Variants in PRKN observed in about 807,000 individuals in gnomAD.
PRKN encodes parkin RBR E3 ubiquitin protein ligase.
PRKN carries 56 observed loss-of-function variants against 59.5 expected under a neutral mutation model. That is an observed-to-expected ratio of 0.94 (90% confidence interval 0.76 to 1.18). The LOEUF is 1.18. Ranked by LOEUF, PRKN falls within the 50% of genes most tolerant of loss-of-function variation. The pLI is 0.00. For synonymous variants in PRKN, 250 were observed against 222.1 expected (o/e 1.13, Z -1.12); for missense variants, 657 against 596.4 (o/e 1.10, Z -1.06).
In PRKN at chr6:162,335,699, T is replaced by C. The variant is rs1783812207; in HGVS notation, c.172-72934A>G. ...ATAATTACATCAAACTGCTCTTATT[T>C]CTCCTATTTTATCGCTCACCAGTGA... On this transcript the variant is annotated intron_variant, in intron 2 of 11. Transcript: ENST00000366898. Among the ~76,000 whole-genome samples the C allele has an allele frequency of 2.6e-5, 4 of 152,088 alleles. No individual in the cohort carries two copies. The South Asian group carries it at 8.3e-4, about 32-fold the overall frequency.
At chr6:161,686,572 C>T (rs868118410) in intron 7 of PRKN, among the ~76,000 whole-genome samples, 7 of 152,152 alleles carry the variant, frequency 4.6e-5, no homozygotes, top group Non-Finnish European at 8.8e-5. Flanking sequence ...CCATGATCTA[C>T]GGAATAAATT....
At chr6:162,092,183 G>T (rs1017259870) in intron 4 of PRKN, among the ~76,000 whole-genome samples, 2 of 151,868 alleles carry the variant, frequency 1.3e-5, no homozygotes, top group Non-Finnish European at 2.9e-5. Context: ...GCGAAACCCC[G>T]GCTCTACTAA....
intron 9 of PRKN, among the ~76,000 whole-genome samples, chr6:161,528,174 T>C (rs1016756278): frequency 6.6e-6 from 1 of 152,244 alleles, no homozygotes; most frequent in Admixed American, 6.5e-5. Context: ...CTTAGCCATG[T>C]CATATTGAGA....
At chr6:162,290,467 A>AT (rs1189603961) in intron 2 of PRKN, among the ~76,000 whole-genome samples, 2 of 152,150 alleles carry the variant, frequency 1.3e-5, no homozygotes, top group Non-Finnish European at 2.9e-5. Flanking sequence ...AAACATCATA[A>AT]TTTATTCCTT....
chr6:161,767,079 G>C (rs1214204256), intron 7 of PRKN, among the ~76,000 whole-genome samples: 1 of 152,188 alleles, frequency 6.6e-6, no homozygotes, highest in Non-Finnish European at 1.5e-5. Context: ...AGTTGGGGTA[G>C]AGTCAGGATT....
intron 8 of PRKN, among the ~76,000 whole-genome samples, chr6:161,563,617 A>G (rs1461456202): frequency 6.6e-6 from 1 of 152,220 alleles, no homozygotes; most frequent in Non-Finnish European, 1.5e-5. Context: ...ATATAAATGT[A>G]TTATTTTAAG....
intron 1 of PRKN, among the ~76,000 whole-genome samples, chr6:162,559,286 C>T (rs1422969357): frequency 1.3e-5 from 2 of 151,818 alleles, no homozygotes; most frequent in African/African-American, 4.8e-5. Context: ...ACACAGACTG[C>T]GACAGGCCAC....
At chr6:162,296,180 G>A (rs2128111144) in intron 2 of PRKN, among the ~76,000 whole-genome samples, 1 of 151,962 alleles carries the variant, frequency 6.6e-6, no homozygotes, top group African/African-American at 2.4e-5. Flanking sequence ...AGCTGTCAAG[G>A]CCCACAGTCG....
Position 162,663,118 on chromosome 6 carries a change from G to A in PRKN, c.7+64544C>T, listed in dbSNP as rs577991086. On this transcript the variant is annotated intron_variant, in intron 1 of 11. Coordinates refer to ENST00000366898, the MANE Select transcript of PRKN (RefSeq NM_004562.3). Reference sequence around the variant, plus strand: ...CCCATTGCCTGTGCACAACCCACCAGCCGATGGTCCTACATTCCTTATCAG... The same window carrying A: ...CCCATTGCCTGTGCACAACCCACCAACCGATGGTCCTACATTCCTTATCAG... 3.3e-5 allele frequency among the ~76,000 whole-genome samples: 5 copies of A among 152,282 alleles called. No homozygotes were observed. In the South Asian group the frequency reaches 1.0e-3, roughly 32 times the overall value.
At chr6:162,281,563 A>G (rs1780912603) in intron 2 of PRKN, among the ~76,000 whole-genome samples, 1 of 152,178 alleles carries the variant, frequency 6.6e-6, no homozygotes, top group South Asian at 2.1e-4. Context: ...CTAAGAAAGG[A>G]GGGAAAAATG....
chr6:162,488,768 C>T (rs1792671053), intron 1 of PRKN, among the ~76,000 whole-genome samples: 1 of 152,188 alleles, frequency 6.6e-6, no homozygotes, highest in Non-Finnish European at 1.5e-5. Flanking sequence ...ACAAATAGTG[C>T]TGGTGATTGA....
At chr6:161,938,825 C>G (rs1779448418) in intron 6 of PRKN, among the ~76,000 whole-genome samples, 1 of 152,108 alleles carries the variant, frequency 6.6e-6, no homozygotes, top group Non-Finnish European at 1.5e-5. Context: ...CTTTCCTCCT[C>G]AACAAAAACC....
chr6:161,499,846 T>G lies in PRKN; in HGVS notation c.1083+49008A>C, dbSNP rs763648801. On this transcript the variant is annotated intron_variant, in intron 9 of 11. Coordinates refer to ENST00000366898, the MANE Select transcript of PRKN (RefSeq NM_004562.3). The surrounding 1 kb of genome is among the most constrained non-coding windows in gnomAD (Gnocchi z 4.2). ...GACCCTTCAGAAGGTAGAATTTGGA[T>G]GCCAAAATGCTATGATTTCTGAAAT... is the stretch of plus-strand genomic sequence containing the variant. Among the ~76,000 whole-genome samples, 1 of 152,222 alleles carries G rather than the reference T, an allele frequency of 6.6e-6. No individual in the cohort carries two copies. Among genetic ancestry groups the G allele is most frequent in the Non-Finnish European group, 1.5e-5 (1 of 68,040 alleles).
At chr6:161,514,534 C>T (rs780416558) in intron 9 of PRKN, among the ~76,000 whole-genome samples, 6 of 152,048 alleles carry the variant, frequency 3.9e-5, no homozygotes, top group Admixed American at 1.3e-4. Context: ...CAGATCTGAA[C>T]GCGAGGGACA....
chr6:162,461,493 G>A (rs1302456011), intron 1 of PRKN, among the ~76,000 whole-genome samples: 2 of 41,742 alleles, frequency 4.8e-5, no homozygotes, highest in East Asian at 1.8e-3. Flanking sequence ...CAGAGTTAAA[G>A]TGTCTCAAAA....
chr6:162,349,569 A>G (rs558750331), intron 2 of PRKN, among the ~76,000 whole-genome samples: 1 of 152,360 alleles, frequency 6.6e-6, no homozygotes, highest in Non-Finnish European at 1.5e-5. Flanking sequence ...CATTCCTCAG[A>G]AACAGATAAA....
At chr6:161,655,224 C>A (rs1338632455) in intron 7 of PRKN, among the ~76,000 whole-genome samples, 115 of 134,920 alleles carry the variant, frequency 8.5e-4, no homozygotes, top group Middle Eastern at 9.1e-3. Context: ...AGCAAGGTGC[C>A]CAGTTACAGA....
intron 2 of PRKN, among the ~76,000 whole-genome samples, chr6:162,404,008 G>C (rs1380380834): frequency 6.6e-6 from 1 of 152,072 alleles, no homozygotes; most frequent in Non-Finnish European, 1.5e-5. Context: ...TATCCCAGTA[G>C]GTCTTCCCTA....
rs752426930 is a variant in PRKN at position 161,395,636 on chromosome 6, C to T, written c.1084-8759G>A. ...GGTCTCAACCACCGCCTTTGTCAAG[C>T]TGCTTTAAAAGAATATCAAATACAT... is the stretch of plus-strand genomic sequence containing the variant. On this transcript the variant is annotated intron_variant, in intron 9 of 11. Coordinates refer to ENST00000366898, the MANE Select transcript of PRKN (RefSeq NM_004562.3). This position sits in a 1 kb window ranked among gnomAD's most constrained non-coding sequence, Gnocchi z 5.0. 2.0e-5 allele frequency among the ~76,000 whole-genome samples: 3 copies of T among 152,202 alleles called. No homozygotes were observed. Among genetic ancestry groups the T allele is most frequent in the African/African-American group, 4.8e-5 (2 of 41,442 alleles).
Sources: gnomAD v4.1 joint callset for allele counts (sites outside exome capture counted in the v4.1 genomes callset) on GRCh38, gnomAD v4.1.1 for gene constraint, Gnocchi (gnomAD v3.1) non-coding constraint, MANE v1.5 for transcripts, NCBI Gene and HGNC (gene_info 2026-07-23, HGNC 2026-07-21) for gene names.